The following SMS variants were observed in gnomAD, a reference collection of about 807,000 sequenced individuals.
The protein encoded by SMS is spermine synthase.
In SMS, 3 loss-of-function variants were observed where a neutral mutation model predicts 33.0. The observed-to-expected ratio is 0.09, with a 90% CI of 0.04 to 0.23. The LOEUF (loss-of-function observed/expected upper bound fraction) is 0.23. Ranked by LOEUF, SMS falls within the 10% of genes least tolerant of loss-of-function variation. SMS has a pLI of 1.00. For missense variants in SMS, 117 were observed against 288.6 expected (o/e 0.41, Z 4.31); for synonymous variants, 103 against 112.2 (o/e 0.92, Z 0.52).
Position 21,994,619 on chromosome X carries a change from T to G in SMS, c.*268T>G. The G allele has an allele frequency of 2.2e-6, 2 of 899,332 alleles. No homozygotes were observed. The highest frequency in any genetic ancestry group is 1.0e-4 in the South Asian group (2 of 19,264). 74.1% of individuals were successfully genotyped at this position (899,332 alleles called of 1,213,427 possible). ...TGACCCCCCCCATTAGAATGTGATT[T>G]TTGTTCCTTTTTATTTCTCTGTGGG... On this transcript the variant is annotated 3_prime_UTR_variant, in exon 11 of 11. Coordinates refer to ENST00000404933, the MANE Select transcript of SMS (RefSeq NM_004595.5).
At chrX:21,965,584 C>CA (rs372094407) in intron 1 of SMS, among the ~76,000 whole-genome samples, 36,231 of 60,495 alleles carry the variant, frequency 0.6, 10,073 homozygotes, top group South Asian at 0.85. Flanking sequence ...ACTACAAATA[C>CA]AAAAAAAAAA....
intron 10 of SMS, among the ~76,000 whole-genome samples, chrX:21,993,234 A>C (rs920796090): frequency 2.7e-5 from 3 of 112,742 alleles, no homozygotes; most frequent in Non-Finnish European, 5.6e-5. Context: ...TTACATTAAA[A>C]TAACCTGACA....
intron 9 of SMS, among the ~76,000 whole-genome samples, chrX:21,988,387 C>T (rs7888401): frequency 0.21 from 23,553 of 110,144 alleles, 2,154 homozygotes; most frequent in African/African-American, 0.34. Context: ...TCAGGTTGGC[C>T]GGGTGCGGTG....
intron 7 of SMS, among the ~76,000 whole-genome samples, chrX:21,984,061 A>G (rs1011600712): frequency 1.8e-5 from 2 of 111,344 alleles, no homozygotes; most frequent in Admixed American, 1.9e-4. Flanking sequence ...TGGGATGATA[A>G]TAGTGCCTCT....
intron 7 of SMS, among the ~76,000 whole-genome samples, chrX:21,981,841 C>G (rs192815444): frequency 2.3e-3 from 251 of 111,436 alleles, no homozygotes; most frequent in African/African-American, 6.9e-3. Context: ...GACACTCAAA[C>G]TGTTAATGGT....
chrX:21,978,310 C>T (rs1924668729), intron 6 of SMS, among the ~76,000 whole-genome samples, 196 bp downstream of exon 6: 1 of 111,904 alleles, frequency 8.9e-6, no homozygotes, highest in Non-Finnish European at 1.9e-5. Flanking sequence ...CACAGTGGCT[C>T]ATGCCTGTAA....
intron 1 of SMS, among the ~76,000 whole-genome samples, chrX:21,954,787 G>A (rs1447533053): frequency 8.9e-6 from 1 of 112,041 alleles, no homozygotes; most frequent in Non-Finnish European, 1.9e-5. Context: ...CTTTGGAAAT[G>A]CTATTTCATT....
chrX:21,965,523 A>G (rs1191687254), intron 1 of SMS, among the ~76,000 whole-genome samples: 1 of 101,649 alleles, frequency 9.8e-6, no homozygotes, highest in East Asian at 3.1e-4. Context: ...GGCGGATCAC[A>G]AGGTCAGGAG....
intron 9 of SMS, among the ~76,000 whole-genome samples, chrX:21,989,648 A>G (rs1159283866): frequency 9.0e-6 from 1 of 110,582 alleles, no homozygotes; most frequent in East Asian, 2.8e-4. Context: ...AGAAATAACT[A>G]TACACGCCTG....
At chrX:21,966,226 C>G (rs984484316) in intron 1 of SMS, among the ~76,000 whole-genome samples, 5 of 112,285 alleles carry the variant, frequency 4.5e-5, no homozygotes, top group Non-Finnish European at 7.5e-5. Context: ...TACCTCTGTT[C>G]AGGTCACAGA....
At chrX:21,979,730 C>T (rs1285501603) in intron 7 of SMS, among the ~76,000 whole-genome samples, 3 of 109,952 alleles carry the variant, frequency 2.7e-5, no homozygotes, top group East Asian at 5.6e-4. Flanking sequence ...GTAATGTGAT[C>T]GCTGGGTCAA....
chrX:21,979,002 C>G (rs1453110191), intron 7 of SMS, 36 bp downstream of exon 7: 1 of 953,839 alleles, frequency 1.0e-6, no homozygotes, highest in Non-Finnish European at 1.5e-6. Context: ...TTTAAGTGAA[C>G]TAATAATATA....
intron 7 of SMS, among the ~76,000 whole-genome samples, chrX:21,981,978 T>G (rs1420017480): frequency 1.8e-5 from 2 of 110,553 alleles, no homozygotes; most frequent in African/African-American, 6.6e-5. Context: ...TAGCTAAATT[T>G]AAAAAGGTAT....
At chrX:21,981,186 T>C (rs780473797) in intron 7 of SMS, among the ~76,000 whole-genome samples, 3 of 110,106 alleles carry the variant, frequency 2.7e-5, no homozygotes, top group Non-Finnish European at 5.7e-5. Context: ...CCCGACGTGG[T>C]GGTGGGTGCT....
chrX:21,957,657 ATTCTAC>A (rs1923062780), intron 1 of SMS, among the ~76,000 whole-genome samples: 2 of 112,109 alleles, frequency 1.8e-5, no homozygotes, highest in Admixed American at 1.9e-4. Context: ...TGCAATGGTA[ATTCTAC>A]TTCTAGTTCT....
At chrX:21,970,101 C>T (rs1271421686) in intron 2 of SMS, among the ~76,000 whole-genome samples, 2 of 113,036 alleles carry the variant, frequency 1.8e-5, no homozygotes, top group East Asian at 2.8e-4. Flanking sequence ...CATGAGCCAC[C>T]GCGCCTGGCC....
chrX:21,944,020 C>T (rs916414234), intron 1 of SMS, among the ~76,000 whole-genome samples: 2 of 110,933 alleles, frequency 1.8e-5, no homozygotes. Flanking sequence ...TGTTCCAGTT[C>T]CATGATGTGA....
chrX:21,984,288 C>G lies in SMS; in HGVS notation c.751-16C>G. 1.0e-6 allele frequency: 1 copy of G among 967,047 alleles called. No individual in the cohort carries two copies. The highest frequency in any genetic ancestry group is 1.5e-6 in the Non-Finnish European group (1 of 672,275). The allele number at this position is 967,047 out of a possible 1,213,427, so 79.7% of individuals were successfully genotyped here. A position where few individuals can be genotyped will look rare whatever the true frequency, so the allele number is the denominator to read the frequency against. On this transcript the variant is annotated splice_polypyrimidine_tract_variant and intron_variant, in intron 7 of 10. Coordinates refer to ENST00000404933, the MANE Select transcript of SMS (RefSeq NM_004595.5). ...CACATGTTGGCTCACTCATCTATTC[C>G]TGTTCTTTCTGGAAGGTTCTAATAG...
At chrX:21,986,397 T>A (rs1413280111) in intron 9 of SMS, among the ~76,000 whole-genome samples, 1 of 106,309 alleles carries the variant, frequency 9.4e-6, no homozygotes, top group Non-Finnish European at 1.9e-5. Flanking sequence ...GTAGAGGTTT[T>A]CACTTTAACC....
Sources: allele counts gnomAD v4.1 joint callset (sites outside exome capture counted in the v4.1 genomes callset), GRCh38; gene constraint gnomAD v4.1.1; transcripts MANE v1.5; gene names NCBI Gene and HGNC (gene_info 2026-07-23, HGNC 2026-07-21).